The following ASCC2 variants were observed in gnomAD, a reference collection of about 807,000 sequenced individuals.
The protein encoded by ASCC2 is ASC-1 complex subunit P100.
ASCC2 carries 42 observed loss-of-function variants against 93.5 expected under a neutral mutation model. The observed-to-expected ratio is 0.45, with a 90% CI of 0.35 to 0.58. The LOEUF (loss-of-function observed/expected upper bound fraction) is 0.58. Among genes scored for constraint, ASCC2 ranks in the 20% least tolerant of loss-of-function variants. The probability of loss-of-function intolerance (pLI) is 0.00; values close to 1 mark genes in which losing one functional copy is unlikely to be tolerated. For missense variants in ASCC2, 859 were observed against 977.6 expected (o/e 0.88, Z 1.62); for synonymous variants, 364 against 384.2 (o/e 0.95, Z 0.62).
rs756699013 is a variant in ASCC2, at chr22:29,792,484, C to T, written c.1971G>A (p.Gln657=). The T allele has an allele frequency of 2.4e-5, 38 of 1,614,002 alleles. No individual in the cohort carries two copies. The Middle Eastern group carries it at 9.9e-4, about 42-fold the overall frequency. ...VLRTKVPREG[Q]EEDDDDEEDD... ...CTTCCTCATCGTCGTCATCCTCCTCCTGCCCTTCTCTAGGCACTTTGGTTC... is the reference window on the plus strand; with the variant it reads ...CTTCCTCATCGTCGTCATCCTCCTCTTGCCCTTCTCTAGGCACTTTGGTTC... Residue 657 remains glutamine, a synonymous_variant, in exon 18 of 20, where the codon CAG becomes CAA. Transcript: ENST00000307790.
At chr22:29,832,545 A>G in intron 1 of ASCC2, 1 of 455,544 alleles carries the variant, frequency 2.2e-6, no homozygotes, top group Non-Finnish European at 3.9e-6. Context: ...TCAATTGTAG[A>G]AGAAATACTT....
intron 13 of ASCC2, 93 bp downstream of exon 13, chr22:29,804,545 A>T: frequency 6.7e-7 from 1 of 1,495,464 alleles, no homozygotes; most frequent in Non-Finnish European, 9.1e-7. Flanking sequence ...CTGAGTATAA[A>T]AGCAAAGAAG....
rs1256823365 is a variant in ASCC2, at chr22:29,789,251, CA to C, written c.2103-68del. On this transcript the variant is annotated intron_variant, in intron 19 of 19. Transcript: ENST00000307790. The stretch of plus-strand genomic sequence containing the variant: ...GAAGAGGCTCTGGCGGGAGAGCCCA[CA>C]GCCTGCCTTGGTGTTCACTGGGAGA... 1.9e-6 allele frequency: 3 copies of C among 1,579,798 alleles called. No individual in the cohort carries two copies. The African/African-American group carries it at 4.0e-5, about 21-fold the overall frequency.
intron 12 of ASCC2, among the ~76,000 whole-genome samples, chr22:29,805,892 T>G (rs964199691): frequency 6.6e-6 from 1 of 151,800 alleles, no homozygotes; most frequent in African/African-American, 2.4e-5. Context: ...TCTTCCCACG[T>G]GACACTCTAT....
chr22:29,809,221 T>C (rs973318919), intron 8 of ASCC2, among the ~76,000 whole-genome samples: 1 of 150,736 alleles, frequency 6.6e-6, no homozygotes, highest in African/African-American at 2.4e-5. Flanking sequence ...CCCAATCCCA[T>C]TGGAAATGAG....
At chr22:29,821,505 G>A (rs2061549238) in intron 5 of ASCC2, among the ~76,000 whole-genome samples, 1 of 152,250 alleles carries the variant, frequency 6.6e-6, no homozygotes, top group Non-Finnish European at 1.5e-5. Flanking sequence ...TGTAAGTGGG[G>A]ATGATGACAG....
chr22:29,801,142 G>A (rs2059031984), intron 14 of ASCC2, 32 bp from the exon 15 acceptor site: 1 of 1,566,434 alleles, frequency 6.4e-7, no homozygotes. Flanking sequence ...CAATTTAAGG[G>A]GGCCCTGCCA....
At chr22:29,818,581 C>T (rs1299111080) in intron 5 of ASCC2, among the ~76,000 whole-genome samples, 1 of 152,024 alleles carries the variant, frequency 6.6e-6, no homozygotes, top group Non-Finnish European at 1.5e-5. Flanking sequence ...GGGTTCTCAA[C>T]CTCAAGGTCT....
rs761737873 is a variant in ASCC2, at chr22:29,813,524, G to C, written c.739C>G (p.Leu247Val). Residue 247 changes from leucine to valine, a missense_variant, in exon 8 of 20, where the codon CTC becomes GTC. Physicochemically the swap from Leu to Val is conservative, Grantham distance 32. Coordinates refer to ENST00000307790, the MANE Select transcript of ASCC2 (RefSeq NM_032204.5). ...MPLLELKDIV[L>V]YLCDTCTTLW... is the part of the protein sequence containing the mutation. ...GTGGTGCAGGTATCACAAAGGTAGA[G>C]AACAATGTCCTTTAATTCCTGTTGC... is the stretch of plus-strand genomic sequence containing the variant. 37 of 1,612,844 alleles carry C rather than the reference G, an allele frequency of 2.3e-5. 1 individual carries two copies. In the South Asian group the frequency reaches 2.3e-4, roughly 10 times the overall value.
intron 2 of ASCC2, among the ~76,000 whole-genome samples, chr22:29,829,135 C>G (rs1159425617): frequency 1.3e-5 from 2 of 152,002 alleles, no homozygotes; most frequent in Admixed American, 1.3e-4. Flanking sequence ...GAGATCATGC[C>G]ACTGCACCCC....
At chr22:29,806,602 T>G in intron 10 of ASCC2, 49 bp from the exon 11 acceptor site, 5 of 1,565,650 alleles carry the variant, frequency 3.2e-6, no homozygotes, top group Non-Finnish European at 4.4e-6. Flanking sequence ...CAAGATGAGC[T>G]GCAGCTCCTT....
intron 9 of ASCC2, among the ~76,000 whole-genome samples, chr22:29,807,280 G>GA (rs760379743): frequency 8.4e-6 from 1 of 119,044 alleles, no homozygotes; most frequent in Non-Finnish European, 1.9e-5. Flanking sequence ...AAAAGAAAAA[G>GA]AAAAAAAGGC....
chr22:29,788,763 G>A lies in ASCC2; in HGVS notation c.*250C>T. On this transcript the variant is annotated 3_prime_UTR_variant, in exon 20 of 20. Coordinates refer to ENST00000307790, the MANE Select transcript of ASCC2 (RefSeq NM_032204.5). The stretch of plus-strand genomic sequence containing the variant: ...CCATCCCCATCTCTTTCCCGCTAGC[G>A]CAGCTGGGGGAAGGTGCCTGCTTGC... 3.8e-6 allele frequency: 2 copies of A among 523,066 alleles called. No individual in the cohort carries two copies. The highest frequency in any genetic ancestry group is 2.2e-5 in the South Asian group (1 of 44,560). The allele number at this position is 523,066 out of a possible 1,614,324, so 32.4% of individuals were successfully genotyped here. A position where few individuals can be genotyped will look rare whatever the true frequency, so the allele number is the denominator to read the frequency against.
In ASCC2 at chr22:29,825,942, G is replaced by A; in HGVS notation, c.82-162C>T. The A allele has an allele frequency of 1.4e-6, 1 of 720,918 alleles. No homozygotes were observed. 44.7% of individuals were successfully genotyped at this position (720,918 alleles called of 1,614,324 possible). On this transcript the variant is annotated intron_variant, in intron 2 of 19. Transcript: ENST00000307790. The surrounding 1 kb of genome is among the most constrained non-coding windows in gnomAD (Gnocchi z 4.9). ...TGTATCTAACAAAGAGGGCATGGTTGCATTCAGCGAACACTAGGCGGTAAT... is the reference window on the plus strand; with the variant it reads ...TGTATCTAACAAAGAGGGCATGGTTACATTCAGCGAACACTAGGCGGTAAT...
At chr22:29,791,069 AGTAG>A (rs2057682021) in intron 18 of ASCC2, among the ~76,000 whole-genome samples, 1 of 152,118 alleles carries the variant, frequency 6.6e-6, no homozygotes, top group Non-Finnish European at 1.5e-5. Flanking sequence ...TTTGGTGGCC[AGTAG>A]CTTTAAAAAG....
At chr22:29,801,703 A>C (rs2059102400) in intron 14 of ASCC2, among the ~76,000 whole-genome samples, 1 of 152,172 alleles carries the variant, frequency 6.6e-6, no homozygotes, top group South Asian at 2.1e-4. Context: ...GGGGATCAGA[A>C]GGGCTCAACA....
At chr22:29,795,104 G>T (rs1295162437) in intron 15 of ASCC2, among the ~76,000 whole-genome samples, 2 of 151,878 alleles carry the variant, frequency 1.3e-5, no homozygotes, top group Non-Finnish European at 2.9e-5. Flanking sequence ...TTTGTATTTT[G>T]TTATAGAGAT....
At chr22:29,836,961 T>C (rs1319791119) in intron 1 of ASCC2, among the ~76,000 whole-genome samples, 1 of 152,198 alleles carries the variant, frequency 6.6e-6, no homozygotes, top group Non-Finnish European at 1.5e-5. Context: ...ACAGTCATAA[T>C]GGGGAAAGAC....
intron 1 of ASCC2, among the ~76,000 whole-genome samples, chr22:29,834,721 C>G (rs954204966): frequency 6.6e-6 from 1 of 152,194 alleles, no homozygotes; most frequent in African/African-American, 2.4e-5. Flanking sequence ...TTACCATGTT[C>G]AGATGTCCAA....
Sources: gnomAD v4.1 joint callset for allele counts (sites outside exome capture counted in the v4.1 genomes callset) on GRCh38, gnomAD v4.1.1 for gene constraint, Gnocchi (gnomAD v3.1) non-coding constraint, MANE v1.5 for transcripts, NCBI Gene and HGNC (gene_info 2026-07-23, HGNC 2026-07-21) for gene names.